Variants in KIAA1671 observed in about 807,000 individuals in gnomAD.
The protein encoded by KIAA1671 is uncharacterized protein KIAA1671.
In KIAA1671, 52 loss-of-function variants were observed where a neutral mutation model predicts 131.2. That is an observed-to-expected ratio of 0.40 (90% confidence interval 0.32 to 0.50). The LOEUF is 0.50. KIAA1671 is among the 20% of genes least tolerant of loss of function. KIAA1671 has a pLI of 0.73. For synonymous variants in KIAA1671, 1,003 were observed against 961.6 expected (o/e 1.04, Z -0.80); for missense variants, 2,360 against 2,364.2 (o/e 1.00, Z 0.04).
intron 6 of KIAA1671, among the ~76,000 whole-genome samples, chr22:25,099,537 GTTTTTTTGTTTTTTTTTTTT>G (rs1232673028): frequency 1.8e-5 from 2 of 112,134 alleles, no homozygotes; most frequent in African/African-American, 7.8e-5. Flanking sequence ...CAAAATGTGG[GTTTTTTTGTTTTTTTTTTTT>G]TTTTTTTTTT....
chr22:24,985,820 ACTC>A (rs1923498895), intron 1 of KIAA1671, among the ~76,000 whole-genome samples: 1 of 150,506 alleles, frequency 6.6e-6, no homozygotes, highest in South Asian at 2.1e-4. Flanking sequence ...GGGAGGAACT[ACTC>A]TGTTCTCCAA....
chr22:24,968,028 C>T (rs183245290), intron 1 of KIAA1671, among the ~76,000 whole-genome samples: 4 of 152,000 alleles, frequency 2.6e-5, no homozygotes, highest in South Asian at 4.2e-4. Flanking sequence ...TGAGACAGGA[C>T]GCTTTGGCAA....
intron 11 of KIAA1671, among the ~76,000 whole-genome samples, chr22:25,189,126 C>CTTTTTTTT (rs200226589): frequency 3.2e-3 from 361 of 114,314 alleles, no homozygotes; most frequent in Non-Finnish European, 3.9e-3. Context: ...CAGTCTTTTT[C>CTTTTTTTT]TTTTTTTTTT....
chr22:24,995,744 T>TTCATGTATGTGATCTCATTTAA (rs1176421693), intron 1 of KIAA1671, among the ~76,000 whole-genome samples: 1 of 152,236 alleles, frequency 6.6e-6, no homozygotes, highest in African/African-American at 2.4e-5. Flanking sequence ...TGCTAAGCAC[T>TTCATGTATGTGATCTCATTTAA]TCATGTATGT....
At chr22:25,070,526 G>T in intron 6 of KIAA1671, 1 of 407,866 alleles carries the variant, frequency 2.5e-6, no homozygotes, top group Non-Finnish European at 4.4e-6. Context: ...CAATGTCTCT[G>T]TTTTCTTTAA....
Position 25,040,893 on chromosome 22 carries a change from G to A in KIAA1671, c.3763G>A (p.Asp1255Asn), listed in dbSNP as rs1356743258. The A allele has an allele frequency of 1.7e-5, 26 of 1,518,186 alleles. No homozygotes were observed. In the Admixed American group the frequency reaches 2.2e-4, roughly 13 times the overall value. 94.0% of individuals were successfully genotyped at this position (1,518,186 alleles called of 1,614,324 possible). The stretch of plus-strand genomic sequence containing the variant: ...AAGGAGGAGCCTGAAGGAGATGCCC[G>A]ATACCGGGGGTCTCTGGAAACCGGC... ...QRRRSLKEMP[D>N]TGGLWKPASS... is the part of the protein sequence containing the mutation. The change falls in exon 5 of 13, where the codon GAT (aspartate) becomes AAT (asparagine). Residue 1255 changes from aspartate (D) to asparagine (N), a missense_variant. Around this residue, in one of 3 missense-constraint regions of KIAA1671, gnomAD observed 1,161 missense variants for 1,204.7 expected, o/e 0.96. Coordinates refer to ENST00000358431, the MANE Select transcript of KIAA1671 (RefSeq NM_001145206.2).
At chr22:25,082,160 G>C (rs1929444174) in intron 6 of KIAA1671, among the ~76,000 whole-genome samples, 1 of 152,228 alleles carries the variant, frequency 6.6e-6, no homozygotes, top group South Asian at 2.1e-4. Context: ...GTTTGAGACA[G>C]AGTTGATGAG....
chr22:25,011,993 C>A (rs1253021256), intron 1 of KIAA1671: 1 of 152,134 alleles, frequency 6.6e-6, no homozygotes, highest in Non-Finnish European at 1.5e-5. Context: ...TTTCCCATTT[C>A]CCCTTAAGTT....
At chr22:25,003,318 T>C (rs1182609106) in intron 1 of KIAA1671, among the ~76,000 whole-genome samples, 2 of 152,050 alleles carry the variant, frequency 1.3e-5, no homozygotes, top group African/African-American at 2.4e-5. Flanking sequence ...CAAATACTTA[T>C]CTTGTTATTA....
At chr22:25,025,165 T>TAGCAGCTAGCAAGTGAGC (rs1925873436) in intron 1 of KIAA1671, among the ~76,000 whole-genome samples, 1 of 54,578 alleles carries the variant, frequency 1.8e-5, no homozygotes, top group African/African-American at 6.2e-5. Flanking sequence ...ACCAAGTGAG[T>TAGCAGCTAGCAAGTGAGC]CAGCACCTCG....
intron 1 of KIAA1671, among the ~76,000 whole-genome samples, chr22:25,015,719 C>G (rs1375722266): frequency 7.9e-6 from 1 of 126,576 alleles, no homozygotes; most frequent in Non-Finnish European, 1.8e-5. Flanking sequence ...CCACAGAATG[C>G]TTCTGTGGGT....
intron 1 of KIAA1671, among the ~76,000 whole-genome samples, chr22:24,999,013 A>G (rs1924291863): frequency 6.6e-6 from 1 of 152,098 alleles, no homozygotes; most frequent in South Asian, 2.1e-4. Flanking sequence ...ATTCATTTCC[A>G]CTGAGTAGAT....
At chr22:24,975,380 G>A (rs1922860615) in intron 1 of KIAA1671, among the ~76,000 whole-genome samples, 1 of 150,546 alleles carries the variant, frequency 6.6e-6, no homozygotes, top group South Asian at 2.1e-4. Flanking sequence ...GTGCAGTGGT[G>A]CAATCCTAGC....
chr22:25,125,685 A>T (rs1932147214), intron 6 of KIAA1671, among the ~76,000 whole-genome samples: 1 of 152,160 alleles, frequency 6.6e-6, no homozygotes, highest in African/African-American at 2.4e-5. Context: ...CATCCTTCCC[A>T]TCCCCAGTTG....
At chr22:25,162,783 A>T (rs1933490943) in intron 6 of KIAA1671, among the ~76,000 whole-genome samples, 2 of 152,216 alleles carry the variant, frequency 1.3e-5, no homozygotes, top group East Asian at 1.9e-4. Flanking sequence ...TCATTTAGCT[A>T]TGAGTCTTGT....
At chr22:25,085,775 A>G (rs1291556202) in intron 6 of KIAA1671, among the ~76,000 whole-genome samples, 22 of 86,770 alleles carry the variant, frequency 2.5e-4, no homozygotes, top group Non-Finnish European at 2.3e-4. Context: ...TGAAGGAAGG[A>G]AGGGAGGAAG....
At chr22:25,045,967 T>C (rs1167467497) in intron 5 of KIAA1671, among the ~76,000 whole-genome samples, 1 of 151,936 alleles carries the variant, frequency 6.6e-6, no homozygotes, top group Non-Finnish European at 1.5e-5. Context: ...TAGACTCTCA[T>C]TGATGGGTAT....
At position 25,178,726 on chromosome 22, in the gene KIAA1671, G is replaced by A. The variant is rs4049527; in HGVS notation, c.5074+1204G>A. 3.5e-3 allele frequency among the ~76,000 whole-genome samples: 521 copies of A among 150,916 alleles called. 2 individuals carry two copies. Among genetic ancestry groups the A allele is most frequent in the African/African-American group, 0.012 (475 of 41,090 alleles). ...AGGCCCAGGGTGTCCACCTCAGGCCGGGTGGTCTCAGAGGACCCCTGTGCA... is the reference window on the plus strand; with the variant it reads ...AGGCCCAGGGTGTCCACCTCAGGCCAGGTGGTCTCAGAGGACCCCTGTGCA... On this transcript the variant is annotated intron_variant, in intron 9 of 12. Transcript: ENST00000358431.
At chr22:25,068,643 A>G (rs750160549) in intron 6 of KIAA1671, among the ~76,000 whole-genome samples, 32 of 152,270 alleles carry the variant, frequency 2.1e-4, no homozygotes, top group Non-Finnish European at 3.4e-4. Context: ...TCACCGTGTT[A>G]GCCAGGATGG....
Sources: allele counts gnomAD v4.1 joint callset (sites outside exome capture counted in the v4.1 genomes callset), GRCh38; gene constraint gnomAD v4.1.1; regional missense constraint gnomAD v4.1.1; transcripts MANE v1.5; gene names NCBI Gene and HGNC (gene_info 2026-07-23, HGNC 2026-07-21).